VPS50: variants seen among roughly 807,000 people sequenced by gnomAD.
The protein encoded by VPS50 is syndetin.
A neutral mutation model predicts 139.7 loss-of-function variants in VPS50; 70 were observed. The observed-to-expected ratio is 0.50, with a 90% CI of 0.41 to 0.61. The LOEUF (loss-of-function observed/expected upper bound fraction) is 0.61. Among genes scored for constraint, VPS50 ranks in the 20% least tolerant of loss-of-function variants. The probability of loss-of-function intolerance (pLI) is 0.00; values close to 1 mark genes in which losing one functional copy is unlikely to be tolerated. For missense variants in VPS50, 921 were observed against 1,133.7 expected (o/e 0.81, Z 2.69); for synonymous variants, 365 against 376.7 (o/e 0.97, Z 0.36).
intron 14 of VPS50, among the ~76,000 whole-genome samples, chr7:93,296,466 T>A (rs1039623891): frequency 6.6e-6 from 1 of 152,124 alleles, no homozygotes; most frequent in Non-Finnish European, 1.5e-5. Flanking sequence ...ATGATAGAAT[T>A]TCTGGTAATT....
At chr7:93,326,505 A>AAAAT (rs1270412412) in intron 21 of VPS50, among the ~76,000 whole-genome samples, 1 of 151,330 alleles carries the variant, frequency 6.6e-6, no homozygotes, top group African/African-American at 2.4e-5. Flanking sequence ...CCCAGAAAAA[A>AAAAT]AAATAAAAAA....
chr7:93,354,447 C>A (rs1301621578), intron 26 of VPS50, among the ~76,000 whole-genome samples: 1 of 152,016 alleles, frequency 6.6e-6, no homozygotes, highest in African/African-American at 2.4e-5. Flanking sequence ...GTGTGTGCCA[C>A]CATGCCCACT....
At chr7:93,256,375 A>T in intron 4 of VPS50, 134 bp from the exon 5 acceptor site, 1 of 487,766 alleles carries the variant, frequency 2.1e-6, no homozygotes, top group Non-Finnish European at 3.6e-6. Context: ...GTATGGCCAT[A>T]GTATGCCAAT....
chr7:93,335,117 A>G (rs1798036941), intron 22 of VPS50, among the ~76,000 whole-genome samples: 1 of 152,212 alleles, frequency 6.6e-6, no homozygotes, highest in Non-Finnish European at 1.5e-5. Context: ...GGAATTCATC[A>G]GTGCACAGAA....
intron 2 of VPS50, chr7:93,246,067 G>T (rs1431655093): frequency 7.9e-6 from 11 of 1,392,114 alleles, no homozygotes; most frequent in Middle Eastern, 1.8e-4. Context: ...TTTAGATTTT[G>T]GTCACTAAAC....
At chr7:93,250,495 A>G (rs940652502) in intron 2 of VPS50, among the ~76,000 whole-genome samples, 1 of 152,184 alleles carries the variant, frequency 6.6e-6, no homozygotes, top group Non-Finnish European at 1.5e-5. Flanking sequence ...TTGGCTAGCC[A>G]TATGCAGAAA....
intron 22 of VPS50, among the ~76,000 whole-genome samples, chr7:93,334,778 A>G (rs1006854212): frequency 6.6e-6 from 1 of 152,232 alleles, no homozygotes; most frequent in African/African-American, 2.4e-5. Flanking sequence ...GATAGGTTAG[A>G]TAGCAACACA....
rs373349963 is a variant in VPS50 at position 93,341,464 on chromosome 7, C to T, written c.2096C>T (p.Ala699Val). 4 of 1,612,322 alleles carry T rather than the reference C, an allele frequency of 2.5e-6. No individual in the cohort carries two copies. The highest frequency in any genetic ancestry group is 3.4e-6 in the Non-Finnish European group (4 of 1,179,132). ...GATCCTACTGCCACACTCACAGCAG[C>T]AGAAGAAAGAAAGGAGAAGGTGCCA... ...SADPTATLTA[A>V]EERKEKVPSP... Residue 699 changes from alanine to valine, a missense_variant, in exon 23 of 28, where the codon GCA (alanine) becomes GTA (valine). By Grantham distance (64) the Ala-to-Val change is moderately conservative (BLOSUM62 0). This residue lies in a region of VPS50 where 744 missense variants were observed against 930.6 expected (regional missense o/e 0.80). Transcript: ENST00000305866.
intron 23 of VPS50, among the ~76,000 whole-genome samples, chr7:93,342,269 C>T (rs145550731): frequency 0.017 from 2,541 of 152,326 alleles, 85 homozygotes; most frequent in African/African-American, 0.058. Flanking sequence ...GCTTTTCCGA[C>T]GGGCTTAAAA....
intron 21 of VPS50, among the ~76,000 whole-genome samples, chr7:93,328,673 G>C (rs1342641096): frequency 6.6e-6 from 1 of 152,130 alleles, no homozygotes; most frequent in East Asian, 1.9e-4. Context: ...GTGGCTTTTA[G>C]TTCAGTTCTA....
rs777283066 is a variant in VPS50, at chr7:93,294,649, T to A, written c.1167+13T>A. The A allele has an allele frequency of 1.1e-5, 17 of 1,558,396 alleles. No homozygotes were observed. Among genetic ancestry groups the A allele is most frequent in the South Asian group, 8.5e-5 (7 of 82,488 alleles). Reference sequence around the variant, plus strand: ...ACGAATATGGCAGGTTTGGTTTTTTTAAAATTATTTTTTTCACAGAAGCAA... The same window carrying A: ...ACGAATATGGCAGGTTTGGTTTTTTAAAAATTATTTTTTTCACAGAAGCAA... On this transcript the variant is annotated intron_variant, in intron 14 of 27. Coordinates refer to ENST00000305866, the MANE Select transcript of VPS50 (RefSeq NM_017667.4).
rs781658045 is a variant in VPS50, at chr7:93,348,746, C to G, written c.2243C>G (p.Pro748Arg). The G allele has an allele frequency of 6.2e-7, 1 of 1,613,626 alleles. No individual in the cohort carries two copies. Among genetic ancestry groups the G allele is most frequent in the East Asian group, 2.2e-5 (1 of 44,866 alleles). The part of the protein sequence containing the change: ...FLAEQFEFLQ[P>R]HLDAVMPAVK... Reference sequence around the variant, plus strand: ...GCTGAACAGTTTGAGTTCCTTCAGCCACATCTGGATGCTGTGATGCCTGCA... The same window carrying G: ...GCTGAACAGTTTGAGTTCCTTCAGCGACATCTGGATGCTGTGATGCCTGCA... The change falls in exon 24 of 28, where the codon CCA (proline) becomes CGA (arginine). Residue 748 changes from proline to arginine, a missense_variant. Around this residue, in one of 3 missense-constraint regions of VPS50, gnomAD observed 744 missense variants for 930.6 expected, o/e 0.80. Coordinates refer to ENST00000305866, the MANE Select transcript of VPS50 (RefSeq NM_017667.4).
At position 93,323,667 on chromosome 7, in the gene VPS50, T is replaced by C; in HGVS notation, c.1912T>C (p.Phe638Leu). The change falls in exon 21 of 28, where the codon TTC becomes CTC. Residue 638 changes from phenylalanine (F) to leucine (L), a missense_variant. Phe to Leu is a conservative substitution (Grantham distance 22, BLOSUM62 0). Coordinates refer to ENST00000305866, the MANE Select transcript of VPS50 (RefSeq NM_017667.4). ...GCCAATTGCCTTTGATGTTATTCAT[T>C]TCATGTCTCAACTATTTGATTATTA... is the stretch of plus-strand genomic sequence containing the variant. ...LKPIAFDVIHFMSQLFDYYLY... is the reference protein window; with the variant it reads ...LKPIAFDVIHLMSQLFDYYLY... 1 of 1,384,488 alleles carries C rather than the reference T, an allele frequency of 7.2e-7. No individual in the cohort carries two copies. Among genetic ancestry groups the C allele is most frequent in the Non-Finnish European group, 9.8e-7 (1 of 1,021,738 alleles). The allele number at this position is 1,384,488 out of a possible 1,614,324, so 85.8% of individuals were successfully genotyped here.
intron 12 of VPS50, among the ~76,000 whole-genome samples, chr7:93,284,979 A>G (rs1268331957): frequency 1.3e-5 from 2 of 152,166 alleles, no homozygotes; most frequent in African/African-American, 4.8e-5. Context: ...TGGCTCAGAC[A>G]CTTCCATAGG....
intron 2 of VPS50, among the ~76,000 whole-genome samples, chr7:93,248,717 G>A (rs564954207): frequency 6.6e-6 from 1 of 152,256 alleles, no homozygotes; most frequent in East Asian, 1.9e-4. Context: ...AGAAATCTCA[G>A]TTCTCAAGAA....
chr7:93,287,776 T>C (rs922539487), intron 12 of VPS50, among the ~76,000 whole-genome samples: 5 of 152,132 alleles, frequency 3.3e-5, no homozygotes, highest in African/African-American at 1.2e-4. Context: ...CAGAACTTTT[T>C]GGGATTTTTG....
chr7:93,257,452 C>A lies in VPS50; in HGVS notation c.410C>A (p.Thr137Lys). ...TGLQLAAVIC[T>K]NGRRHLNIAK... is the part of the protein sequence containing the mutation. ...CTTCAATTAGCTGCTGTTATCTGTACAAATGGGAGAAGGTATTGCTTTTGA... is the reference window on the plus strand; with the variant it reads ...CTTCAATTAGCTGCTGTTATCTGTAAAAATGGGAGAAGGTATTGCTTTTGA... Residue 137 changes from threonine (T) to lysine (K), a missense_variant, in exon 6 of 28, where the codon ACA becomes AAA. Transcript: ENST00000305866. The A allele has an allele frequency of 6.3e-7, 1 of 1,593,198 alleles. No individual in the cohort carries two copies. The highest frequency in any genetic ancestry group is 8.6e-7 in the Non-Finnish European group (1 of 1,163,356).
At chr7:93,287,009 T>TAAA (rs1304107799) in intron 12 of VPS50, among the ~76,000 whole-genome samples, 2,202 of 140,224 alleles carry the variant, frequency 0.016, 67 homozygotes, top group African/African-American at 0.056. Flanking sequence ...TTTTTTTTTT[T>TAAA]AAAAAAAAAA....
At chr7:93,351,289 C>G (rs927105625) in intron 25 of VPS50, among the ~76,000 whole-genome samples, 4 of 151,792 alleles carry the variant, frequency 2.6e-5, no homozygotes, top group Admixed American at 6.6e-5. Flanking sequence ...TCTAGAGCAC[C>G]CAGGAGATTT....
Sources: allele counts gnomAD v4.1 joint callset (sites outside exome capture counted in the v4.1 genomes callset), GRCh38; gene constraint gnomAD v4.1.1; regional missense constraint gnomAD v4.1.1; transcripts MANE v1.5; gene names NCBI Gene and HGNC (gene_info 2026-07-23, HGNC 2026-07-21).